SHC4: variants seen among roughly 807,000 people sequenced by gnomAD.
SHC4 encodes the protein SHC-transforming protein 4.
SHC4 carries 41 observed loss-of-function variants against 69.4 expected under a neutral mutation model. The observed-to-expected ratio is 0.59, with a 90% CI of 0.46 to 0.77. The LOEUF (loss-of-function observed/expected upper bound fraction) is 0.77. Among genes scored for constraint, SHC4 ranks in the 30% least tolerant of loss-of-function variants. The pLI is 0.00. For missense variants in SHC4, 777 were observed against 783.8 expected (o/e 0.99, Z 0.10); for synonymous variants, 318 against 299.3 (o/e 1.06, Z -0.64).
chr15:48,931,527 A>G (rs1056053629), intron 1 of SHC4, among the ~76,000 whole-genome samples: 3 of 152,014 alleles, frequency 2.0e-5, no homozygotes, highest in Non-Finnish European at 4.4e-5. Context: ...TTTCAAATCC[A>G]TCAACCAATC....
intron 6 of SHC4, among the ~76,000 whole-genome samples, chr15:48,860,296 T>C (rs921558347): frequency 4.0e-4 from 61 of 152,188 alleles, no homozygotes; most frequent in African/African-American, 1.3e-3. Flanking sequence ...GGTGGATCAC[T>C]TGAGGTCAGG....
intron 1 of SHC4, among the ~76,000 whole-genome samples, chr15:48,929,219 C>T (rs929362289): frequency 6.6e-6 from 1 of 152,156 alleles, no homozygotes; most frequent in African/African-American, 2.4e-5. Flanking sequence ...TGTTTGATGA[C>T]TGCATAAGCA....
At chr15:48,862,341 A>G (rs1899463308) in intron 6 of SHC4, among the ~76,000 whole-genome samples, 1 of 152,178 alleles carries the variant, frequency 6.6e-6, no homozygotes, top group Non-Finnish European at 1.5e-5. Flanking sequence ...GGAGTAAGAC[A>G]ATGTGGATTT....
intron 2 of SHC4, among the ~76,000 whole-genome samples, chr15:48,900,459 A>G (rs544443265): frequency 6.6e-6 from 1 of 151,748 alleles, no homozygotes; most frequent in South Asian, 2.1e-4. Context: ...GTAAGCTGAG[A>G]TCGTGCTACT....
chr15:48,899,696 A>T (rs1276366077), intron 2 of SHC4, among the ~76,000 whole-genome samples: 1 of 152,168 alleles, frequency 6.6e-6, no homozygotes, highest in East Asian at 1.9e-4. Context: ...AGGAACGAAC[A>T]ACTGGCCTAC....
chr15:48,854,306 G>C (rs1297873770), intron 8 of SHC4, among the ~76,000 whole-genome samples: 8 of 152,062 alleles, frequency 5.3e-5, no homozygotes, highest in Non-Finnish European at 1.0e-4. Flanking sequence ...CATTAAAAAG[G>C]CAAAAATACA....
chr15:48,913,235 T>A (rs956087926), intron 2 of SHC4, among the ~76,000 whole-genome samples: 1 of 152,038 alleles, frequency 6.6e-6, no homozygotes. Flanking sequence ...GCTAGGCATG[T>A]CTGAGCTCTG....
At position 48,919,295 on chromosome 15, in the gene SHC4, A is replaced by ATTTTTTTTTTTTTTTT. The variant is rs386382928; in HGVS notation, c.656+5568_656+5583dup. 5.8e-3 allele frequency among the ~76,000 whole-genome samples: 416 copies of ATTTTTTTTTTTTTTTT among 71,212 alleles called. 55 individuals carry two copies. The highest frequency in any genetic ancestry group is 0.019 in the African/African-American group (364 of 19,140). The allele number at this position is 71,212 out of a possible 152,430, so 46.7% of individuals were successfully genotyped here. On this transcript the variant is annotated intron_variant, in intron 2 of 11. Transcript: ENST00000332408. ...CTCACACTCTTAAAAATTTATTTTA[A>ATTTTTTTTTTTTTTTT]TTTTTTTTTTTTTTTTTTTTGTAGA...
At chr15:48,907,846 A>ATATATATGTGTGTGTGTGTG (rs1900437503) in intron 2 of SHC4, among the ~76,000 whole-genome samples, 2 of 120,538 alleles carry the variant, frequency 1.7e-5, no homozygotes, top group African/African-American at 3.2e-5. Flanking sequence ...GTGTGTATAT[A>ATATATATGTGTGTGTGTGTG]TATATATATG....
At chr15:48,878,030 G>C (rs1166376592) in intron 4 of SHC4, 6 of 1,011,546 alleles carry the variant, frequency 5.9e-6, no homozygotes, top group South Asian at 3.5e-5. Context: ...AACCACAGTG[G>C]CGCGCCAAGT....
chr15:48,878,919 A>G, intron 4 of SHC4: 1 of 518,452 alleles, frequency 1.9e-6, no homozygotes, highest in Non-Finnish European at 3.4e-6. Flanking sequence ...GAAGAGAATC[A>G]TTAAAGAAAA....
At chr15:48,928,453 A>T (rs773826343) in intron 1 of SHC4, among the ~76,000 whole-genome samples, 1 of 151,910 alleles carries the variant, frequency 6.6e-6, no homozygotes, top group Non-Finnish European at 1.5e-5. Flanking sequence ...CAGGAGGGGG[A>T]CAAAGGGACA....
chr15:48,935,666 C>G lies in SHC4; in HGVS notation c.586-10717G>C, dbSNP rs1901055990. On this transcript the variant is annotated intron_variant, in intron 1 of 11. Coordinates refer to ENST00000332408, the MANE Select transcript of SHC4 (RefSeq NM_203349.4). ...TAAGAAGGGAATGGAAAATCCTTCC[C>G]CTTTTAGTGTAACACCAATCAAATG... is the stretch of plus-strand genomic sequence containing the variant. 2.0e-5 allele frequency among the ~76,000 whole-genome samples: 3 copies of G among 152,032 alleles called. No individual in the cohort carries two copies. The South Asian group carries it at 6.2e-4, about 32-fold the overall frequency.
At chr15:48,889,447 C>T (rs538315202) in intron 3 of SHC4, among the ~76,000 whole-genome samples, 1 of 152,314 alleles carries the variant, frequency 6.6e-6, no homozygotes, top group African/African-American at 2.4e-5. Context: ...CTACAGCTGG[C>T]TCTGACCTTA....
intron 1 of SHC4, among the ~76,000 whole-genome samples, chr15:48,926,752 C>T (rs975361569): frequency 3.3e-5 from 5 of 152,108 alleles, no homozygotes; most frequent in Non-Finnish European, 5.9e-5. Flanking sequence ...CATGAGCCAC[C>T]GCATCCTGCT....
chr15:48,846,089 C>G (rs553604185), intron 9 of SHC4, among the ~76,000 whole-genome samples: 1 of 152,036 alleles, frequency 6.6e-6, no homozygotes, highest in Admixed American at 6.5e-5. Flanking sequence ...GCCTCGAACT[C>G]CTAGGTTAAA....
At chr15:48,959,517 G>A (rs561349018) in intron 1 of SHC4, among the ~76,000 whole-genome samples, 161 of 152,324 alleles carry the variant, frequency 1.1e-3, no homozygotes, top group Non-Finnish European at 1.6e-3. Context: ...GAGAGGAGCA[G>A]TCACATGATA....
intron 1 of SHC4, among the ~76,000 whole-genome samples, chr15:48,955,111 T>C (rs1053348431): frequency 6.6e-6 from 1 of 152,200 alleles, no homozygotes; most frequent in African/African-American, 2.4e-5. Context: ...TTGGGTTTCC[T>C]GCAGCCCCCA....
chr15:48,884,417 A>G (rs754749512), intron 3 of SHC4, 50 bp from the exon 4 acceptor site: 2 of 1,485,126 alleles, frequency 1.3e-6, no homozygotes, highest in Non-Finnish European at 1.8e-6. Context: ...ATTTTGTTAC[A>G]GAATAAATGT....
Sources: allele counts gnomAD v4.1 joint callset (sites outside exome capture counted in the v4.1 genomes callset), GRCh38; gene constraint gnomAD v4.1.1; transcripts MANE v1.5; gene names NCBI Gene and HGNC (gene_info 2026-07-23, HGNC 2026-07-21).